WAC: variants seen among roughly 807,000 people sequenced by gnomAD.
WAC encodes the protein WW domain containing adaptor with coiled-coil, also known as WW domain-containing adapter protein with coiled-coil.
WAC carries 11 observed loss-of-function variants against 79.6 expected under a neutral mutation model. The observed-to-expected ratio is 0.14, with a 90% CI of 0.09 to 0.23. WAC has a LOEUF of 0.23. Ranked by LOEUF, WAC falls within the 10% of genes least tolerant of loss-of-function variation. The pLI is 1.00. For missense variants in WAC, 728 were observed against 773.5 expected (o/e 0.94, Z 0.70); for synonymous variants, 304 against 276.9 (o/e 1.10, Z -0.97).
intron 3 of WAC, among the ~76,000 whole-genome samples, chr10:28,544,965 C>T (rs114768134): frequency 0.019 from 2,816 of 147,334 alleles, 98 homozygotes; most frequent in African/African-American, 0.067. Flanking sequence ...CTCGAGAGGC[C>T]GAAGCAGGAG....
In WAC at chr10:28,597,409, A is replaced by G. The variant is rs574578093; in HGVS notation, c.919+1368A>G. Among the ~76,000 whole-genome samples the G allele has an allele frequency of 3.5e-4, 53 of 152,234 alleles. No homozygotes were observed. The East Asian group carries it at 6.8e-3, about 19-fold the overall frequency. On this transcript the variant is annotated intron_variant, in intron 7 of 13. Coordinates refer to ENST00000354911, the MANE Select transcript of WAC (RefSeq NM_016628.5). Reference sequence around the variant, plus strand: ...ATCCTTGTCAGTTAAAATTCTGATGACCCTTTGAAAGTATTTATCCCATGT... The same window carrying G: ...ATCCTTGTCAGTTAAAATTCTGATGGCCCTTTGAAAGTATTTATCCCATGT...
rs910877410 is a variant in WAC at position 28,622,514 on chromosome 10, AAAG to A, written c.*2912_*2914del. 2 of 143,760 alleles carry A rather than the reference AAAG, an allele frequency of 1.4e-5. No individual in the cohort carries two copies. Among genetic ancestry groups the A allele is most frequent in the African/African-American group, 2.6e-5 (1 of 38,782 alleles). 8.9% of individuals were successfully genotyped at this position (143,760 alleles called of 1,614,324 possible). ...TGGTATTGTAACAATATATTTGATG[AAAG>A]AAGGTTACAGACTCCCCTGAAGAAC... On this transcript the variant is annotated 3_prime_UTR_variant, in exon 14 of 14. Coordinates refer to ENST00000354911, the MANE Select transcript of WAC (RefSeq NM_016628.5).
At chr10:28,550,700 C>T (rs1837619741) in intron 3 of WAC, among the ~76,000 whole-genome samples, 1 of 152,144 alleles carries the variant, frequency 6.6e-6, no homozygotes, top group Non-Finnish European at 1.5e-5. Flanking sequence ...TAAGAATTTA[C>T]TACTACAGAG....
intron 2 of WAC, 171 bp from the exon 3 acceptor site, chr10:28,535,391 A>G (rs1367779335): frequency 7.3e-6 from 5 of 688,248 alleles, no homozygotes; most frequent in East Asian, 3.1e-5. Flanking sequence ...ACGCTTAAGC[A>G]TTAGGTTTTT....
At chr10:28,539,372 G>T (rs1262655631) in intron 3 of WAC, among the ~76,000 whole-genome samples, 1 of 152,152 alleles carries the variant, frequency 6.6e-6, no homozygotes, top group Non-Finnish European at 1.5e-5. Context: ...TAGAGTTAGA[G>T]ATTTTATCCA....
intron 12 of WAC, among the ~76,000 whole-genome samples, chr10:28,616,790 T>C (rs932121942): frequency 6.6e-6 from 1 of 152,208 alleles, no homozygotes; most frequent in Non-Finnish European, 1.5e-5. Flanking sequence ...GCACTGTTAA[T>C]CTACTGGCCA....
intron 4 of WAC, among the ~76,000 whole-genome samples, chr10:28,583,755 C>T (rs1442725590): frequency 1.3e-5 from 2 of 152,120 alleles, no homozygotes; most frequent in Non-Finnish European, 2.9e-5. Flanking sequence ...GATTCCTGTA[C>T]AAAGCAATGT....
intron 2 of WAC, among the ~76,000 whole-genome samples, chr10:28,534,986 A>G (rs1836554957): frequency 6.6e-6 from 1 of 152,212 alleles, no homozygotes; most frequent in African/African-American, 2.4e-5. Context: ...CTTAGTTAGA[A>G]ATAGTACTCA....
chr10:28,555,779 G>A (rs1286714478), intron 3 of WAC, among the ~76,000 whole-genome samples: 1 of 152,104 alleles, frequency 6.6e-6, no homozygotes, highest in African/African-American at 2.4e-5. Context: ...TGATGGCATT[G>A]GTGGCTTTGT....
intron 3 of WAC, among the ~76,000 whole-genome samples, chr10:28,546,050 T>C (rs1012316679): frequency 3.3e-5 from 5 of 152,234 alleles, no homozygotes; most frequent in African/African-American, 9.6e-5. Flanking sequence ...AGTATTTGCA[T>C]TTTAAAGGAA....
intron 3 of WAC, among the ~76,000 whole-genome samples, chr10:28,554,159 G>T (rs1433947984): frequency 6.6e-6 from 1 of 152,112 alleles, no homozygotes. Flanking sequence ...ATGAACTGCC[G>T]CACCCAGCCT....
intron 3 of WAC, among the ~76,000 whole-genome samples, chr10:28,554,008 A>C (rs1319326171): frequency 6.6e-6 from 1 of 152,118 alleles, no homozygotes; most frequent in Non-Finnish European, 1.5e-5. Context: ...CCAGGACTAC[A>C]GGCGCATACC....
At chr10:28,592,860 C>T (rs1299684950) in intron 6 of WAC, among the ~76,000 whole-genome samples, 1 of 151,698 alleles carries the variant, frequency 6.6e-6, no homozygotes, top group Non-Finnish European at 1.5e-5. Context: ...CTGTTTTTTA[C>T]CTGTTCTTTT....
intron 6 of WAC, 140 bp from the exon 7 acceptor site, chr10:28,595,593 G>T: frequency 1.3e-6 from 1 of 789,412 alleles, no homozygotes; most frequent in Non-Finnish European, 2.0e-6. Context: ...ACACTAACTG[G>T]GTTTGCAGTT....
Position 28,596,030 on chromosome 10 carries a change from C to G in WAC, c.908C>G (p.Thr303Arg), listed in dbSNP as rs1158009446. The G allele has an allele frequency of 6.2e-7, 1 of 1,613,634 alleles. No homozygotes were observed. Among genetic ancestry groups the G allele is most frequent in the Non-Finnish European group, 8.5e-7 (1 of 1,179,764 alleles). Residue 303 changes from threonine (T) to arginine (R), a missense_variant, in exon 7 of 14, where the codon ACA becomes AGA. Transcript: ENST00000354911. ...ACATCTTCTGTCCCTGCACAGAAAA[C>G]AGAAAGAAAAGGTATGCCATTATTA... ...TPTSSVPAQKTERKESTSGDK... is the reference protein window; with the variant it reads ...TPTSSVPAQKRERKESTSGDK...
At chr10:28,609,213 T>G (rs1400588815) in intron 8 of WAC, among the ~76,000 whole-genome samples, 1 of 152,128 alleles carries the variant, frequency 6.6e-6, no homozygotes, top group East Asian at 1.9e-4. Context: ...AATACAAAAG[T>G]TAACCAGGCG....
At chr10:28,578,883 G>A (rs1218941063) in intron 3 of WAC, among the ~76,000 whole-genome samples, 1 of 152,090 alleles carries the variant, frequency 6.6e-6, no homozygotes, top group East Asian at 1.9e-4. Flanking sequence ...CTAGCATCCA[G>A]TCATGTTGTT....
intron 3 of WAC, among the ~76,000 whole-genome samples, chr10:28,548,795 T>G (rs1837504718): frequency 6.6e-6 from 1 of 152,228 alleles, no homozygotes; most frequent in Non-Finnish European, 1.5e-5. Flanking sequence ...GTTTGCTGTC[T>G]GAGCTGTCCA....
At chr10:28,582,146 T>G (rs532442213) in intron 3 of WAC, among the ~76,000 whole-genome samples, 1 of 152,224 alleles carries the variant, frequency 6.6e-6, no homozygotes, top group Non-Finnish European at 1.5e-5. Flanking sequence ...CAGACCCTTA[T>G]CTGAGGGTAA....
Sources: allele counts gnomAD v4.1 joint callset (sites outside exome capture counted in the v4.1 genomes callset), GRCh38; gene constraint gnomAD v4.1.1; transcripts MANE v1.5; gene names NCBI Gene and HGNC (gene_info 2026-07-23, HGNC 2026-07-21).